TAFA1: variants seen among roughly 807,000 people sequenced by gnomAD.
TAFA1 encodes TAFA chemokine like family member 1.
In TAFA1, 4 loss-of-function variants were observed where a neutral mutation model predicts 18.5. The observed-to-expected ratio is 0.22, with a 90% CI of 0.11 to 0.49. TAFA1 has a LOEUF of 0.49. Ranked by LOEUF, TAFA1 falls within the 20% of genes least tolerant of loss-of-function variation. The pLI is 0.98. For synonymous variants in TAFA1, 56 were observed against 55.2 expected (o/e 1.01, Z -0.06); for missense variants, 147 against 169.0 (o/e 0.87, Z 0.72).
rs1243054140 is a variant in TAFA1, at chr3:68,490,859, G to A, written c.260-47897G>A. On this transcript the variant is annotated intron_variant, in intron 3 of 4. Coordinates refer to ENST00000478136, the MANE Select transcript of TAFA1 (RefSeq NM_213609.4). ...TTTTTTCTTTTTTTTTTGTGGGGGG[G>A]ACAGGGTCTTACTCTGTCAACCCAG... Among the ~76,000 whole-genome samples the A allele has an allele frequency of 2.0e-5, 3 of 150,130 alleles. No individual in the cohort carries two copies. In the East Asian group the frequency reaches 5.9e-4, roughly 29 times the overall value.
At chr3:68,192,370 A>ATGTC (rs1428948425) in intron 2 of TAFA1, 4 of 160,610 alleles carry the variant, frequency 2.5e-5, no homozygotes, top group African/African-American at 9.6e-5. Context: ...CCTGGCCTCC[A>ATGTC]TGTCTCCATT....
Position 68,238,015 on chromosome 3 carries a change from A to C in TAFA1, c.119-179265A>C, listed in dbSNP as rs535768060. Among the ~76,000 whole-genome samples the C allele has an allele frequency of 2.6e-5, 4 of 151,904 alleles. No homozygotes were observed. In the South Asian group the frequency reaches 6.2e-4, roughly 24 times the overall value. ...TTTTTTTTTTTTCCTTTTTCCATGAAGGCGAAGGCCAGGGTAGCTGAAGTC... is the reference window on the plus strand; with the variant it reads ...TTTTTTTTTTTTCCTTTTTCCATGACGGCGAAGGCCAGGGTAGCTGAAGTC... On this transcript the variant is annotated intron_variant, in intron 2 of 4. Transcript: ENST00000478136.
chr3:68,499,532 T>C (rs2106702269), intron 3 of TAFA1, among the ~76,000 whole-genome samples: 1 of 150,326 alleles, frequency 6.7e-6, no homozygotes, highest in East Asian at 2.0e-4. Context: ...ATATCTTCAA[T>C]TTAACCATGA....
intron 3 of TAFA1, among the ~76,000 whole-genome samples, chr3:68,471,719 A>C (rs1448223811): frequency 1.3e-5 from 2 of 152,150 alleles, no homozygotes; most frequent in African/African-American, 4.8e-5. Flanking sequence ...CAGTTCACTG[A>C]CACAAATATT....
At chr3:68,478,185 A>G (rs2072141348) in intron 3 of TAFA1, among the ~76,000 whole-genome samples, 2 of 152,158 alleles carry the variant, frequency 1.3e-5, no homozygotes, top group Non-Finnish European at 1.5e-5. Flanking sequence ...GGTATTCCCA[A>G]TTTTGCCACT....
intron 2 of TAFA1, among the ~76,000 whole-genome samples, chr3:68,131,212 C>T (rs1205694343): frequency 1.3e-5 from 2 of 152,152 alleles, no homozygotes; most frequent in Non-Finnish European, 2.9e-5. Flanking sequence ...ATTTTTTGCA[C>T]TTATCAGTGA....
At chr3:68,080,956 G>A (rs1035837172) in intron 2 of TAFA1, among the ~76,000 whole-genome samples, 3 of 152,054 alleles carry the variant, frequency 2.0e-5, no homozygotes, top group Admixed American at 1.3e-4. Flanking sequence ...ACACCAATCA[G>A]ACGTAGATTT....
intron 2 of TAFA1, among the ~76,000 whole-genome samples, chr3:68,183,764 C>T (rs973950037): frequency 2.0e-5 from 3 of 152,132 alleles, no homozygotes; most frequent in Admixed American, 2.0e-4. Flanking sequence ...CTCCTAAGCA[C>T]ATTCTATTTA....
At position 68,363,529 on chromosome 3, in the gene TAFA1, C is replaced by T. The variant is rs577120567; in HGVS notation, c.119-53751C>T. On this transcript the variant is annotated intron_variant, in intron 2 of 4. Transcript: ENST00000478136. ...ACATGGAAAATGGGAATTCAAAGTC[C>T]GAAAGACAAGCTTTTGATCTTTAGG... Among the ~76,000 whole-genome samples the T allele has an allele frequency of 5.9e-5, 9 of 152,186 alleles. No homozygotes were observed. The East Asian group carries it at 1.5e-3, about 26-fold the overall frequency.
Position 68,528,528 on chromosome 3 carries a change from C to T in TAFA1, c.260-10228C>T, listed in dbSNP as rs570964606. ...TTGCTTTGATAAAGACAATAACACA[C>T]TGGGAGTCACTACAGGTCTTTTGAA... On this transcript the variant is annotated intron_variant, in intron 3 of 4. Transcript: ENST00000478136. Among the ~76,000 whole-genome samples the T allele has an allele frequency of 3.9e-4, 60 of 152,158 alleles. 1 individual carries two copies. The highest frequency in any genetic ancestry group is 7.9e-4 in the Non-Finnish European group (54 of 68,020).
intron 2 of TAFA1, among the ~76,000 whole-genome samples, chr3:68,028,017 A>T (rs1036201380): frequency 6.6e-6 from 1 of 152,150 alleles, no homozygotes; most frequent in African/African-American, 2.4e-5. Flanking sequence ...GGGATAGTTT[A>T]TTCTACAGCA....
At chr3:68,396,844 G>T (rs2070391814) in intron 2 of TAFA1, among the ~76,000 whole-genome samples, 1 of 152,232 alleles carries the variant, frequency 6.6e-6, no homozygotes, top group African/African-American at 2.4e-5. Context: ...AATCTTTTAA[G>T]AACTACTCAG....
At chr3:68,252,012 A>G (rs1425853661) in intron 2 of TAFA1, among the ~76,000 whole-genome samples, 1 of 152,210 alleles carries the variant, frequency 6.6e-6, no homozygotes, top group East Asian at 1.9e-4. Flanking sequence ...CCAGCTTCTC[A>G]GTCACTCAAC....
At chr3:68,412,573 G>A (rs2070737577) in intron 2 of TAFA1, among the ~76,000 whole-genome samples, 1 of 152,040 alleles carries the variant, frequency 6.6e-6, no homozygotes, top group African/African-American at 2.4e-5. Context: ...TCCCCACCCT[G>A]TGTCCAAGTG....
chr3:68,305,641 A>C (rs761982427), intron 2 of TAFA1, among the ~76,000 whole-genome samples: 42 of 151,782 alleles, frequency 2.8e-4, no homozygotes, highest in South Asian at 6.3e-4. Flanking sequence ...TAAATAATTA[A>C]AAGATTCTCC....
At chr3:68,257,707 C>A (rs2067326860) in intron 2 of TAFA1, among the ~76,000 whole-genome samples, 1 of 152,122 alleles carries the variant, frequency 6.6e-6, no homozygotes, top group African/African-American at 2.4e-5. Flanking sequence ...AGTGGCCAAC[C>A]TTCCCCTAGA....
At chr3:68,463,520 C>T (rs1323191157) in intron 3 of TAFA1, among the ~76,000 whole-genome samples, 2 of 152,252 alleles carry the variant, frequency 1.3e-5, no homozygotes, top group South Asian at 2.1e-4. Flanking sequence ...TCCGCCCCCA[C>T]TTATCCTTGC....
intron 2 of TAFA1, among the ~76,000 whole-genome samples, chr3:68,396,635 C>A (rs776973871): frequency 6.6e-6 from 1 of 152,098 alleles, no homozygotes; most frequent in Non-Finnish European, 1.5e-5. Flanking sequence ...CAGTTACTTT[C>A]AATTTGGGAC....
At chr3:68,254,105 C>CTATGTATGTATGTATGTATGTATG (rs60606466) in intron 2 of TAFA1, among the ~76,000 whole-genome samples, 139 of 145,172 alleles carry the variant, frequency 9.6e-4, no homozygotes, top group East Asian at 8.8e-3. Context: ...ATCTACCTGT[C>CTATGTATGTATGTATGTATGTATG]TATGTATGTA....
Sources: allele counts gnomAD v4.1 joint callset (sites outside exome capture counted in the v4.1 genomes callset), GRCh38; gene constraint gnomAD v4.1.1; transcripts MANE v1.5; gene names NCBI Gene and HGNC (gene_info 2026-07-23, HGNC 2026-07-21).